Variants in MTG1 observed in about 807,000 individuals in gnomAD.
The protein encoded by MTG1 is mitochondrial ribosome associated GTPase 1.
In MTG1, 30 loss-of-function variants were observed where a neutral mutation model predicts 39.5. The observed-to-expected ratio is 0.76, with a 90% confidence interval of 0.57 to 1.03. The LOEUF is 1.03. MTG1 is among the 50% of genes least tolerant of loss of function. The pLI, the probability that MTG1 is intolerant of heterozygous loss-of-function variation, is 0.00. For missense variants in MTG1, 513 were observed against 447.4 expected, an observed-to-expected ratio of 1.15 and a Z score of -1.32; for synonymous variants, 217 against 179.0, an observed-to-expected ratio of 1.21 and a Z score of -1.69.
Position 133,402,852 on chromosome 10 carries a change from C to A in MTG1, c.752+79C>A, listed in dbSNP as rs1849906669. The A allele has an allele frequency of 1.4e-5, 15 of 1,084,312 alleles. No homozygotes were observed. The highest frequency in any genetic ancestry group is 2.6e-5 in the East Asian group (1 of 38,786). 67.2% of individuals were successfully genotyped at this position (1,084,312 alleles called of 1,614,324 possible). On this transcript the variant is annotated intron_variant, in intron 9 of 10. Transcript: ENST00000317502. The surrounding 1 kb of genome is among the most constrained non-coding windows in gnomAD (Gnocchi z 4.7). ...TAAAAAAAAAAAACAAACAAAAAAA[C>A]CCCCAGCATTATAAAGGTATTATAA...
intron 9 of MTG1, among the ~76,000 whole-genome samples, chr10:133,409,247 G>A (rs977395379): frequency 1.3e-5 from 2 of 151,790 alleles, no homozygotes; most frequent in South Asian, 2.1e-4. Context: ...TTCCATTTCC[G>A]TTTGTTTGAA....
At chr10:133,412,458 C>T (rs1850061490) in intron 9 of MTG1, among the ~76,000 whole-genome samples, 3 of 152,106 alleles carry the variant, frequency 2.0e-5, no homozygotes, top group Admixed American at 2.0e-4. Flanking sequence ...AGATTTTTTA[C>T]CTAGACAATT....
chr10:133,396,456 G>A (rs144948484), intron 3 of MTG1, among the ~76,000 whole-genome samples, 189 bp downstream of exon 3: 2 of 152,314 alleles, frequency 1.3e-5, no homozygotes, highest in Non-Finnish European at 2.9e-5. Context: ...CATCTAATGT[G>A]TGGTTCGTGA....
At chr10:133,401,672 C>T (rs766746787) in intron 7 of MTG1, 82 bp downstream of exon 7, 54 of 1,373,750 alleles carry the variant, frequency 3.9e-5, no homozygotes, top group African/African-American at 2.1e-4. Flanking sequence ...GTGTGGCTTC[C>T]GGCTGCTGAC....
At chr10:133,396,540 G>A (rs529162160) in intron 3 of MTG1, among the ~76,000 whole-genome samples, 165 of 152,340 alleles carry the variant, frequency 1.1e-3, no homozygotes, top group Non-Finnish European at 1.9e-3. Context: ...AGTGGTCAGT[G>A]AGTGCGCATT....
chr10:133,404,809 A>T (rs1231478478), intron 9 of MTG1, among the ~76,000 whole-genome samples: 1 of 152,074 alleles, frequency 6.6e-6, no homozygotes, highest in Non-Finnish European at 1.5e-5. Flanking sequence ...TCTTTTCTCC[A>T]CTGAATTGTC....
intron 9 of MTG1, among the ~76,000 whole-genome samples, chr10:133,415,194 AGCG>A (rs1850105629): frequency 1.3e-5 from 2 of 151,880 alleles, no homozygotes; most frequent in African/African-American, 2.4e-5. Flanking sequence ...AGGGAGAGGG[AGCG>A]GAGCGGGAGC....
At chr10:133,403,325 C>T (rs112905946) in intron 9 of MTG1, among the ~76,000 whole-genome samples, 1 of 75,014 alleles carries the variant, frequency 1.3e-5, no homozygotes, top group Admixed American at 1.3e-4. Flanking sequence ...GCTCCTCCTT[C>T]GTGAAATCAA....
At chr10:133,401,731 C>A in intron 7 of MTG1, 141 bp downstream of exon 7, 1 of 800,022 alleles carries the variant, frequency 1.2e-6, no homozygotes, top group Non-Finnish European at 2.1e-6. Context: ...ACCCCCGGGG[C>A]AGGCACTGCC....
At chr10:133,410,490 G>A (rs144335624) in intron 9 of MTG1, among the ~76,000 whole-genome samples, 247 of 152,070 alleles carry the variant, frequency 1.6e-3, no homozygotes, top group Non-Finnish European at 2.3e-3. Flanking sequence ...GTCTTCCTTC[G>A]CATGTGGTTA....
rs546433345 is a variant in MTG1, at chr10:133,394,270, G to A, written c.50G>A (p.Arg17Gln). 180 of 1,517,068 alleles carry A rather than the reference G, an allele frequency of 1.2e-4. 2 individuals carry two copies. In the East Asian group the frequency reaches 4.6e-3, roughly 39 times the overall value. The allele number at this position is 1,517,068 out of a possible 1,614,324, so 94.0% of individuals were successfully genotyped here. ...TGCAGCGCCGCCCAGGCCGCCTGGC[G>A]GGAGAACTTCCCCCTGTGCGGTCGC... The part of the protein sequence containing the change: ...ALCSAAQAAW[R>Q]ENFPLCGRDV... The change falls in exon 1 of 11, where the codon CGG becomes CAG. Residue 17 changes from arginine (R) to glutamine (Q), a missense_variant. Physicochemically the swap from Arg to Gln is conservative, Grantham distance 43. Transcript: ENST00000317502.
Position 133,396,145 on chromosome 10 carries a change from T to C in MTG1, c.178-18T>C. The C allele has an allele frequency of 8.1e-6, 13 of 1,612,638 alleles. No homozygotes were observed. Among genetic ancestry groups the C allele is most frequent in the Non-Finnish European group, 1.1e-5 (13 of 1,178,774 alleles). Reference sequence around the variant, plus strand: ...GGCTGGTAAAGCTTTGGAGGAATTTTTACCTTAATTTTGCCACATCCCACT... The same window carrying C: ...GGCTGGTAAAGCTTTGGAGGAATTTCTACCTTAATTTTGCCACATCCCACT... On this transcript the variant is annotated intron_variant, in intron 2 of 10. Transcript: ENST00000317502.
chr10:133,396,104 A>G, intron 2 of MTG1, 59 bp from the exon 3 acceptor site: 2 of 1,513,862 alleles, frequency 1.3e-6, no homozygotes, highest in East Asian at 4.5e-5. Context: ...ACTGATGGCA[A>G]GAAAAAAAGT....
chr10:133,413,590 T>G (rs1850076554), intron 9 of MTG1, among the ~76,000 whole-genome samples: 1 of 152,228 alleles, frequency 6.6e-6, no homozygotes. Context: ...CTCTCTTGCC[T>G]CTTTAGGATT....
At chr10:133,413,311 A>G (rs1276379300) in intron 9 of MTG1, among the ~76,000 whole-genome samples, 2 of 152,112 alleles carry the variant, frequency 1.3e-5, no homozygotes, top group Non-Finnish European at 2.9e-5. Context: ...ATGGGGTTTC[A>G]CCATGTTGGC....
Position 133,394,212 on chromosome 10 carries a change from G to T in MTG1, c.-9G>T. The stretch of plus-strand genomic sequence containing the variant: ...CAGCTGCGGGAGCGTTTCCGGGGAC[G>T]GTGCCGCCATGAGATTGACCCCGCG... On this transcript the variant is annotated 5_prime_UTR_variant, in exon 1 of 11. Transcript: ENST00000317502. The T allele has an allele frequency of 1.3e-6, 2 of 1,510,702 alleles. No homozygotes were observed. Among genetic ancestry groups the T allele is most frequent in the Non-Finnish European group, 8.8e-7 (1 of 1,133,790 alleles). The allele number at this position is 1,510,702 out of a possible 1,614,324, so 93.6% of individuals were successfully genotyped here.
chr10:133,398,819 AG>A (rs1235657623), intron 4 of MTG1, among the ~76,000 whole-genome samples: 4 of 152,156 alleles, frequency 2.6e-5, no homozygotes, highest in Non-Finnish European at 5.9e-5. Flanking sequence ...CTTCATTAAA[AG>A]GTAGTTACAG....
chr10:133,412,990 C>T (rs544847506), intron 9 of MTG1, among the ~76,000 whole-genome samples: 10 of 152,272 alleles, frequency 6.6e-5, no homozygotes, highest in African/African-American at 1.2e-4. Context: ...GGTACAGAAA[C>T]GCTCAGGAGA....
intron 7 of MTG1, 178 bp downstream of exon 7, chr10:133,401,768 GT>G (rs1849881986): frequency 1.4e-6 from 1 of 726,094 alleles, no homozygotes; most frequent in Admixed American, 2.0e-5. Flanking sequence ...AGTCGTCATA[GT>G]CTTTGCGCCA....
Sources: gnomAD v4.1 joint callset for allele counts (sites outside exome capture counted in the v4.1 genomes callset) on GRCh38, gnomAD v4.1.1 for gene constraint, Gnocchi (gnomAD v3.1) non-coding constraint, MANE v1.5 for transcripts, NCBI Gene and HGNC (gene_info 2026-07-23, HGNC 2026-07-21) for gene names.